KCNQ3: variants seen among roughly 807,000 people sequenced by gnomAD.
The protein encoded by KCNQ3 is potassium voltage-gated channel subfamily KQT member 3.
In KCNQ3, 30 loss-of-function variants were observed where a neutral mutation model predicts 92.5. That is an observed-to-expected ratio of 0.32 (90% CI 0.24 to 0.44). The LOEUF (loss-of-function observed/expected upper bound fraction) is 0.44. KCNQ3 is among the 20% of genes least tolerant of loss of function. The probability of loss-of-function intolerance (pLI) is 1.00; values close to 1 mark genes in which losing one functional copy is unlikely to be tolerated. For synonymous variants in KCNQ3, 450 were observed against 468.8 expected, an observed-to-expected ratio of 0.96 and a Z score of 0.52; for missense variants, 913 against 1,140.3, an observed-to-expected ratio of 0.80 and a Z score of 2.87.
chr8:132,205,028 T>C (rs958806903), intron 1 of KCNQ3, among the ~76,000 whole-genome samples: 1 of 152,194 alleles, frequency 6.6e-6, no homozygotes, highest in African/African-American at 2.4e-5. Flanking sequence ...TCCTGGAAGC[T>C]TGGACAATAT....
At chr8:132,370,528 C>A (rs1819445667) in intron 1 of KCNQ3, among the ~76,000 whole-genome samples, 1 of 152,068 alleles carries the variant, frequency 6.6e-6, no homozygotes. Flanking sequence ...CTGTTTGTGC[C>A]ATTAGAGCCC....
chr8:132,424,589 C>A (rs1180986236), intron 1 of KCNQ3, among the ~76,000 whole-genome samples: 1 of 152,208 alleles, frequency 6.6e-6, no homozygotes, highest in Non-Finnish European at 1.5e-5. Context: ...GGGTGGTATT[C>A]ATTTCCTGGG....
rs774287489 is a variant in KCNQ3, at chr8:132,129,409, C to T, written c.2472G>A (p.Ser824=). The change falls in exon 15 of 15, where the codon TCG becomes TCA. Residue 824 remains serine, a synonymous_variant. Transcript: ENST00000388996. The surrounding 1 kb of genome is among the most constrained non-coding windows in gnomAD (Gnocchi z 5.9). ...GGTACCGCTTCTCCCTCATCCAGCT[C>T]GACCCCCCATTGGGGCCGAACACAT... ...DDYVFGPNGG[S]SWMREKRYLA... is the part of the protein sequence containing the mutation. The T allele has an allele frequency of 9.3e-6, 15 of 1,614,216 alleles. No individual in the cohort carries two copies. Among genetic ancestry groups the T allele is most frequent in the Admixed American group, 1.7e-5 (1 of 60,030 alleles).
chr8:132,403,201 A>AT (rs983903076), intron 1 of KCNQ3, among the ~76,000 whole-genome samples: 1 of 150,224 alleles, frequency 6.7e-6, no homozygotes, highest in African/African-American at 2.5e-5. Context: ...TCTATTATTA[A>AT]TTTTTTTAAA....
At chr8:132,397,224 G>T (rs1820216746) in intron 1 of KCNQ3, among the ~76,000 whole-genome samples, 1 of 152,048 alleles carries the variant, frequency 6.6e-6, no homozygotes, top group Non-Finnish European at 1.5e-5. Context: ...GGCCCTCTGT[G>T]CCCAGAGGAC....
At chr8:132,222,628 G>A (rs1007966510) in intron 1 of KCNQ3, among the ~76,000 whole-genome samples, 2 of 152,106 alleles carry the variant, frequency 1.3e-5, no homozygotes, top group Non-Finnish European at 2.9e-5. Flanking sequence ...TATTTGTTCT[G>A]GGTACACTAA....
chr8:132,337,119 A>G (rs993056573), intron 1 of KCNQ3, among the ~76,000 whole-genome samples: 1 of 152,226 alleles, frequency 6.6e-6, no homozygotes, highest in Non-Finnish European at 1.5e-5. Context: ...ACACTTACAT[A>G]TAATTCCAGA....
chr8:132,172,985 G>GT (rs1249323583), intron 6 of KCNQ3, among the ~76,000 whole-genome samples: 1 of 152,302 alleles, frequency 6.6e-6, no homozygotes, highest in East Asian at 1.9e-4. Flanking sequence ...TTGCATATTG[G>GT]TTTTTTCTAT....
In KCNQ3 at chr8:132,123,878, C is replaced by T. The variant is rs757652088; in HGVS notation, c.*5384G>A. The stretch of plus-strand genomic sequence containing the variant: ...GTTGCTGAGGTTAAAGCCGTGAAAG[C>T]CTGGGAACAAATCTCCCCAGGGAAG... On this transcript the variant is annotated 3_prime_UTR_variant, in exon 15 of 15. Coordinates refer to ENST00000388996, the MANE Select transcript of KCNQ3 (RefSeq NM_004519.4). The T allele has an allele frequency of 6.6e-6, 1 of 152,162 alleles. No homozygotes were observed. The highest frequency in any genetic ancestry group is 1.5e-5 in the Non-Finnish European group (1 of 68,016). The allele number at this position is 152,162 out of a possible 1,614,324, so 9.4% of individuals were successfully genotyped here. A position where few individuals can be genotyped will look rare whatever the true frequency, so the allele number is the denominator to read the frequency against.
intron 1 of KCNQ3, among the ~76,000 whole-genome samples, chr8:132,297,906 T>C (rs754714627): frequency 2.6e-5 from 4 of 152,266 alleles, no homozygotes; most frequent in Non-Finnish European, 5.9e-5. Flanking sequence ...AAAGCACTGA[T>C]ATCTTCTACA....
At chr8:132,154,154 G>A (rs1825720273) in intron 9 of KCNQ3, among the ~76,000 whole-genome samples, 1 of 146,032 alleles carries the variant, frequency 6.8e-6, no homozygotes, top group African/African-American at 2.5e-5. Flanking sequence ...CTCAGCGGAA[G>A]GGAACCCAGA....
intron 1 of KCNQ3, among the ~76,000 whole-genome samples, chr8:132,331,259 G>A (rs537775935): frequency 3.3e-5 from 5 of 152,268 alleles, no homozygotes; most frequent in Middle Eastern, 3.4e-3. Flanking sequence ...CACAGAGCTC[G>A]TAATAAAGGC....
At chr8:132,155,495 G>A (rs1825774048) in intron 9 of KCNQ3, among the ~76,000 whole-genome samples, 1 of 152,164 alleles carries the variant, frequency 6.6e-6, no homozygotes, top group African/African-American at 2.4e-5. Context: ...CTTACCATGG[G>A]CCAGGCTCTA....
At chr8:132,297,517 G>A (rs1033151914) in intron 1 of KCNQ3, among the ~76,000 whole-genome samples, 1 of 152,170 alleles carries the variant, frequency 6.6e-6, no homozygotes, top group Non-Finnish European at 1.5e-5. Context: ...AAGGTTTAAT[G>A]TGGCTTTTCC....
At chr8:132,223,719 TAA>T (rs1814312164) in intron 1 of KCNQ3, among the ~76,000 whole-genome samples, 1 of 152,154 alleles carries the variant, frequency 6.6e-6, no homozygotes, top group South Asian at 2.1e-4. Flanking sequence ...GGATTAATCT[TAA>T]ATTTTTATAA....
chr8:132,149,877 C>A (rs1013475584), intron 9 of KCNQ3, among the ~76,000 whole-genome samples: 56 of 152,274 alleles, frequency 3.7e-4, no homozygotes, highest in African/African-American at 1.3e-3. Flanking sequence ...AGAGTTCCCC[C>A]CTCCCCCAGC....
At chr8:132,319,298 T>A (rs192340429) in intron 1 of KCNQ3, among the ~76,000 whole-genome samples, 10 of 152,250 alleles carry the variant, frequency 6.6e-5, no homozygotes, top group Non-Finnish European at 1.3e-4. Flanking sequence ...TCTGACCCAA[T>A]GGGAATTTGA....
rs1333166705 is a variant in KCNQ3 at position 132,447,372 on chromosome 8, A to G, written c.386+32775T>C. ...GGCAGACAGTAAAGGTTTCTAGGAC[A>G]CAGATGTGGAGAAGACACTGCAAGA... On this transcript the variant is annotated intron_variant, in intron 1 of 14. Coordinates refer to ENST00000388996, the MANE Select transcript of KCNQ3 (RefSeq NM_004519.4). 6 of 824,524 alleles carry G rather than the reference A, an allele frequency of 7.3e-6. No individual in the cohort carries two copies. The African/African-American group carries it at 8.5e-5, about 12-fold the overall frequency. 51.1% of individuals were successfully genotyped at this position (824,524 alleles called of 1,614,324 possible). A position where few individuals can be genotyped will look rare whatever the true frequency, so the allele number is the denominator to read the frequency against.
rs1017388603 is a variant in KCNQ3 at position 132,314,757 on chromosome 8, G to A, written c.387-128576C>T. ...TCCAATATAATTAGCAAAAGTAGGC[G>A]TTTTCTCTAATCCAAATACCAAAAA... On this transcript the variant is annotated intron_variant, in intron 1 of 14. Transcript: ENST00000388996. Among the ~76,000 whole-genome samples the A allele has an allele frequency of 5.9e-5, 9 of 152,290 alleles. 1 individual carries two copies. The highest frequency in any genetic ancestry group is 3.9e-4 in the East Asian group (2 of 5,188).
Sources: allele counts gnomAD v4.1 joint callset (sites outside exome capture counted in the v4.1 genomes callset), GRCh38; gene constraint gnomAD v4.1.1; non-coding constraint Gnocchi (gnomAD v3.1); transcripts MANE v1.5; gene names NCBI Gene and HGNC (gene_info 2026-07-23, HGNC 2026-07-21).